The following SKI variants were observed in gnomAD, a reference collection of about 807,000 sequenced individuals.
SKI encodes ski oncogene.
In SKI, 23 loss-of-function variants were observed where a neutral mutation model predicts 59.3. That is an observed-to-expected ratio of 0.39 (90% CI 0.28 to 0.55). The LOEUF (loss-of-function observed/expected upper bound fraction) is 0.55. SKI is among the 20% of genes least tolerant of loss of function. The probability of loss-of-function intolerance (pLI) is 0.67; values close to 1 mark genes in which losing one functional copy is unlikely to be tolerated. For missense variants in SKI, 1,017 were observed against 1,038.9 expected, an observed-to-expected ratio of 0.98 and a Z score of 0.29; for synonymous variants, 673 against 488.6, an observed-to-expected ratio of 1.38 and a Z score of -4.98.
chr1:2,300,223 G>T (rs1013734905), intron 1 of SKI, among the ~76,000 whole-genome samples: 1 of 152,254 alleles, frequency 6.6e-6, no homozygotes, highest in Non-Finnish European at 1.5e-5. Flanking sequence ...GGGGCAGCGC[G>T]GTGTGTCGTC....
chr1:2,274,778 G>T (rs988410921), intron 1 of SKI, among the ~76,000 whole-genome samples: 20 of 152,200 alleles, frequency 1.3e-4, no homozygotes, highest in African/African-American at 4.8e-4. Context: ...GGGGGGCAGG[G>T]ACCCCACTTT....
intron 1 of SKI, among the ~76,000 whole-genome samples, chr1:2,241,992 C>T (rs538542516): frequency 5.3e-5 from 8 of 151,862 alleles, no homozygotes; most frequent in South Asian, 2.1e-4. Flanking sequence ...CCTGTGTGTA[C>T]GTGTGTGGTG....
At position 2,304,914 on chromosome 1, in the gene SKI, G is replaced by A. The variant is rs951448481; in HGVS notation, c.1767+329G>A. Among the ~76,000 whole-genome samples, 6 of 152,252 alleles carry A rather than the reference G, an allele frequency of 3.9e-5. No homozygotes were observed. The East Asian group carries it at 1.2e-3, about 29-fold the overall frequency. ...GTAGCCATGTTTCTCTGGTATAAGG[G>A]AGGCCGGGCTATTTTTAGTGGCAGA... On this transcript the variant is annotated intron_variant, in intron 5 of 6. Coordinates refer to ENST00000378536, the MANE Select transcript of SKI (RefSeq NM_003036.4).
intron 1 of SKI, among the ~76,000 whole-genome samples, chr1:2,236,950 T>C (rs953245755): frequency 6.6e-6 from 1 of 152,212 alleles, no homozygotes; most frequent in Non-Finnish European, 1.5e-5. Context: ...CCCACGGTGC[T>C]GCTTGTTTCA....
At chr1:2,230,042 C>T (rs985087926) in intron 1 of SKI, among the ~76,000 whole-genome samples, 1 of 152,216 alleles carries the variant, frequency 6.6e-6, no homozygotes, top group Non-Finnish European at 1.5e-5. Flanking sequence ...GATAGGAAGG[C>T]ACAGGCCTCA....
intron 1 of SKI, among the ~76,000 whole-genome samples, chr1:2,279,638 T>C (rs976954367): frequency 1.3e-4 from 19 of 151,802 alleles, no homozygotes; most frequent in African/African-American, 4.4e-4. Context: ...GGGAGTCGGC[T>C]TGGGGGGAGA....
chr1:2,303,492 G>A lies in SKI; in HGVS notation c.1211+92G>A. On this transcript the variant is annotated intron_variant, in intron 3 of 6. Coordinates refer to ENST00000378536, the MANE Select transcript of SKI (RefSeq NM_003036.4). This position sits in a 1 kb window ranked among gnomAD's most constrained non-coding sequence, Gnocchi z 5.6. ...ACGCGCCCATGTTTCTGCAGGCTGG[G>A]TGCCCAGACCTGCCGCCTTTTGGTC... is the stretch of plus-strand genomic sequence containing the variant. 1.7e-6 allele frequency: 2 copies of A among 1,209,194 alleles called. No individual in the cohort carries two copies. Among genetic ancestry groups the A allele is most frequent in the East Asian group, 4.7e-5 (2 of 42,678 alleles). 74.9% of individuals were successfully genotyped at this position (1,209,194 alleles called of 1,614,324 possible).
At chr1:2,276,684 C>T (rs11590235) in intron 1 of SKI, among the ~76,000 whole-genome samples, 6,871 of 152,324 alleles carry the variant, frequency 0.045, 240 homozygotes, top group Middle Eastern at 0.14. Context: ...GGCCGTGCAC[C>T]CCAACCTGGG....
In SKI at chr1:2,308,101, T is replaced by C. The variant is rs1640645472; in HGVS notation, c.*1336T>C. 6.6e-6 allele frequency: 1 copy of C among 152,404 alleles called. No homozygotes were observed. Among genetic ancestry groups the C allele is most frequent in the Non-Finnish European group, 1.5e-5 (1 of 68,040 alleles). 9.4% of individuals were successfully genotyped at this position (152,404 alleles called of 1,614,324 possible). ...GTTTCTTATGCCCAAGCTTGAAAAA[T>C]GATTTCCCAGTAGACAAGAGGCGGC... On this transcript the variant is annotated 3_prime_UTR_variant, in exon 7 of 7. Transcript: ENST00000378536.
At chr1:2,251,937 G>C (rs1160193843) in intron 1 of SKI, among the ~76,000 whole-genome samples, 1 of 152,110 alleles carries the variant, frequency 6.6e-6, no homozygotes, top group African/African-American at 2.4e-5. Flanking sequence ...GTCTCTGGAG[G>C]CCTCCCCAGC....
In SKI at chr1:2,270,959, C is replaced by T. The variant is rs60303316; in HGVS notation, c.970-32019C>T. Among the ~76,000 whole-genome samples the T allele has an allele frequency of 0.022, 3,287 of 152,328 alleles. 110 individuals are homozygous for T. The highest frequency in any genetic ancestry group is 0.073 in the African/African-American group (3,043 of 41,580). The stretch of plus-strand genomic sequence containing the variant: ...CCAGGCGCTTTCCCTGTGAATGAGC[C>T]GATGGCCGCAAGTGCCTGGCCTCAG... On this transcript the variant is annotated intron_variant, in intron 1 of 6. Coordinates refer to ENST00000378536, the MANE Select transcript of SKI (RefSeq NM_003036.4). The surrounding 1 kb of genome is among the most constrained non-coding windows in gnomAD (Gnocchi z 4.1).
chr1:2,301,092 C>T (rs1485100579), intron 1 of SKI, among the ~76,000 whole-genome samples: 1 of 152,178 alleles, frequency 6.6e-6, no homozygotes, highest in Admixed American at 6.5e-5. Context: ...TTTCCGCGCC[C>T]GCTTCAGTGG....
chr1:2,277,800 A>G (rs1639777258), intron 1 of SKI, among the ~76,000 whole-genome samples: 3 of 144,870 alleles, frequency 2.1e-5, no homozygotes, highest in Admixed American at 2.1e-4. Flanking sequence ...CCGTGAGCGC[A>G]CACACCTGCA....
intron 1 of SKI, among the ~76,000 whole-genome samples, chr1:2,256,041 C>A (rs1639267395): frequency 6.6e-6 from 1 of 151,592 alleles, no homozygotes; most frequent in Non-Finnish European, 1.5e-5. Context: ...CTGTCTGGAG[C>A]TCTCTCTGTC....
intron 1 of SKI, among the ~76,000 whole-genome samples, chr1:2,284,751 G>C (rs988356277): frequency 3.3e-5 from 5 of 152,204 alleles, no homozygotes; most frequent in African/African-American, 1.2e-4. Flanking sequence ...GAGTCAGGGA[G>C]GGGTGGATGG....
At chr1:2,260,034 G>A (rs190817328) in intron 1 of SKI, among the ~76,000 whole-genome samples, 1 of 152,310 alleles carries the variant, frequency 6.6e-6, no homozygotes, top group Admixed American at 6.5e-5. Context: ...ATACCTAGGT[G>A]TGGAATGGCT....
intron 1 of SKI, 100 bp from the exon 2 acceptor site, chr1:2,302,878 A>G: frequency 1.3e-6 from 2 of 1,492,660 alleles, no homozygotes; most frequent in African/African-American, 2.8e-5. Flanking sequence ...TTGTGGCCGG[A>G]GTGCATGGGG....
intron 1 of SKI, among the ~76,000 whole-genome samples, chr1:2,263,890 G>A (rs978376895): frequency 1.3e-4 from 20 of 148,812 alleles, no homozygotes; most frequent in African/African-American, 2.7e-4. Flanking sequence ...AAAAAGTTTC[G>A]TGGGGCTAGG....
At chr1:2,241,449 G>A (rs1638870747) in intron 1 of SKI, among the ~76,000 whole-genome samples, 1 of 152,104 alleles carries the variant, frequency 6.6e-6, no homozygotes, top group African/African-American at 2.4e-5. Flanking sequence ...CTATAGTGCA[G>A]TGCTGCGATC....
Sources: gnomAD v4.1 joint callset for allele counts (sites outside exome capture counted in the v4.1 genomes callset) on GRCh38, gnomAD v4.1.1 for gene constraint, Gnocchi (gnomAD v3.1) non-coding constraint, MANE v1.5 for transcripts, NCBI Gene and HGNC (gene_info 2026-07-23, HGNC 2026-07-21) for gene names.